Variants in TCAF1 observed in about 807,000 individuals in gnomAD.
TCAF1 encodes TRPM8 channel-associated factor 1.
In TCAF1, 4 loss-of-function variants were observed where a neutral mutation model predicts 27.3. That is an observed-to-expected ratio of 0.15 (90% confidence interval 0.07 to 0.34). The LOEUF (loss-of-function observed/expected upper bound fraction) is 0.34. Among genes scored for constraint, TCAF1 ranks in the 10% least tolerant of loss-of-function variants. The probability of loss-of-function intolerance (pLI) is 1.00; values close to 1 mark genes in which losing one functional copy is unlikely to be tolerated. For synonymous variants in TCAF1, 105 were observed against 167.1 expected (o/e 0.63, Z 2.87); for missense variants, 257 against 425.8 (o/e 0.60, Z 3.49).
At chr7:143,875,960 C>T in intron 2 of TCAF1, 29 bp downstream of exon 2, 1 of 1,515,328 alleles carries the variant, frequency 6.6e-7, no homozygotes, top group East Asian at 2.3e-5. Flanking sequence ...AACCCTGGAG[C>T]CAACTCCCCA....
intron 1 of TCAF1, among the ~76,000 whole-genome samples, chr7:143,900,547 G>A (rs1814070763): frequency 6.6e-6 from 1 of 152,106 alleles, no homozygotes; most frequent in Non-Finnish European, 1.5e-5. Flanking sequence ...TGAGATGACT[G>A]AGGCCCAGTC....
intron 1 of TCAF1, among the ~76,000 whole-genome samples, chr7:143,897,567 C>T (rs1381023216): frequency 6.6e-6 from 1 of 151,748 alleles, no homozygotes; most frequent in Non-Finnish European, 1.5e-5. Context: ...GTCAGTATCC[C>T]GACTGCTCCA....
chr7:143,883,716 G>C (rs1233754725), intron 1 of TCAF1, among the ~76,000 whole-genome samples: 1 of 152,012 alleles, frequency 6.6e-6, no homozygotes, highest in African/African-American at 2.4e-5. Context: ...TGTTGGCCAG[G>C]CTGATCTCAA....
intron 6 of TCAF1, among the ~76,000 whole-genome samples, chr7:143,859,999 A>G (rs189779771): frequency 0.027 from 266 of 9,860 alleles, 21 homozygotes; most frequent in South Asian, 0.074. Context: ...TATATATTAT[A>G]TAATATATAT....
chr7:143,890,405 T>C (rs1813588864), intron 1 of TCAF1, among the ~76,000 whole-genome samples: 1 of 152,210 alleles, frequency 6.6e-6, no homozygotes, highest in Non-Finnish European at 1.5e-5. Context: ...GTCTTGAACT[T>C]GAAGGGGCTT....
chr7:143,883,523 T>TTTG, intron 1 of TCAF1, among the ~76,000 whole-genome samples: 1 of 146,948 alleles, frequency 6.8e-6, no homozygotes. Context: ...TTTTTTTTTT[T>TTTG]GAGACGGAGT....
At chr7:143,857,504 C>T (rs1162587103) in intron 7 of TCAF1, among the ~76,000 whole-genome samples, 154 bp from the exon 8 acceptor site, 6 of 152,308 alleles carry the variant, frequency 3.9e-5, no homozygotes, top group Non-Finnish European at 8.8e-5. Flanking sequence ...CTCCTGGCCT[C>T]ATGCCCTGCT....
At chr7:143,892,318 A>G (rs546271973) in intron 1 of TCAF1, among the ~76,000 whole-genome samples, 1 of 152,130 alleles carries the variant, frequency 6.6e-6, no homozygotes, top group African/African-American at 2.4e-5. Flanking sequence ...GAATACATAG[A>G]AGTAATAATT....
rs1811341063 is a variant in TCAF1 at position 143,852,292 on chromosome 7, C to T, written c.*1841G>A. The T allele has an allele frequency of 6.5e-6, 1 of 152,704 alleles. No homozygotes were observed. The highest frequency in any genetic ancestry group is 1.5e-5 in the Non-Finnish European group (1 of 68,054). 9.5% of individuals were successfully genotyped at this position (152,704 alleles called of 1,614,324 possible). ...CTATGGCACTGAATGCACATTCTTC[C>T]CAGAAAGCCCGAGACAGTATGCTCT... On this transcript the variant is annotated 3_prime_UTR_variant, in exon 9 of 9. Coordinates refer to ENST00000479870, the MANE Select transcript of TCAF1 (RefSeq NM_014719.3).
intron 1 of TCAF1, among the ~76,000 whole-genome samples, chr7:143,884,415 T>G (rs1284388950): frequency 6.6e-6 from 1 of 152,094 alleles, no homozygotes; most frequent in African/African-American, 2.4e-5. Context: ...TTCTGCCAAG[T>G]CAAGGCCCAC....
chr7:143,875,702 C>T (rs556682187), intron 2 of TCAF1, among the ~76,000 whole-genome samples: 1 of 152,310 alleles, frequency 6.6e-6, no homozygotes, highest in East Asian at 1.9e-4. Flanking sequence ...ACTATGCCAA[C>T]TGTTGGGGCC....
chr7:143,888,875 A>G (rs1813529236), intron 1 of TCAF1, among the ~76,000 whole-genome samples: 2 of 152,342 alleles, frequency 1.3e-5, no homozygotes, highest in Non-Finnish European at 2.9e-5. Flanking sequence ...TTTAGATATC[A>G]GAATTACTAG....
chr7:143,881,992 T>G (rs1184465159), intron 1 of TCAF1: 2 of 150,040 alleles, frequency 1.3e-5, no homozygotes, highest in African/African-American at 4.9e-5. Context: ...TTCTATCAAA[T>G]GCACAGTGTG....
At chr7:143,877,689 A>T (rs1388136608) in intron 1 of TCAF1, among the ~76,000 whole-genome samples, 1 of 152,238 alleles carries the variant, frequency 6.6e-6, no homozygotes, top group Non-Finnish European at 1.5e-5. Flanking sequence ...CTCCAAGGAC[A>T]GATGTGTTTT....
chr7:143,900,942 T>TAC (rs1168202808), intron 1 of TCAF1, among the ~76,000 whole-genome samples: 3 of 152,188 alleles, frequency 2.0e-5, no homozygotes, highest in Non-Finnish European at 2.9e-5. Context: ...GTTTTAGGAA[T>TAC]ACACACACAA....
chr7:143,880,693 T>A (rs991877368), intron 1 of TCAF1, among the ~76,000 whole-genome samples: 1 of 152,196 alleles, frequency 6.6e-6, no homozygotes, highest in African/African-American at 2.4e-5. Context: ...AAGGTCTTCC[T>A]CCATCTCTGA....
At chr7:143,893,084 G>T (rs1439019617) in intron 1 of TCAF1, among the ~76,000 whole-genome samples, 2 of 152,082 alleles carry the variant, frequency 1.3e-5, no homozygotes, top group Non-Finnish European at 2.9e-5. Context: ...ATGGAAAAAG[G>T]TACACCAAGC....
At chr7:143,885,243 T>C (rs1813336043) in intron 1 of TCAF1, 19 of 985,312 alleles carry the variant, frequency 1.9e-5, no homozygotes, top group Non-Finnish European at 2.3e-5. Context: ...CCAGGCTACT[T>C]TGGAGTGGGG....
chr7:143,900,745 C>T (rs1198851931), intron 1 of TCAF1, among the ~76,000 whole-genome samples: 4 of 152,096 alleles, frequency 2.6e-5, no homozygotes, highest in East Asian at 1.9e-4. Context: ...ATAAATCATA[C>T]ACCTCCAAAA....
Sources: gnomAD v4.1 joint callset for allele counts (sites outside exome capture counted in the v4.1 genomes callset) on GRCh38, gnomAD v4.1.1 for gene constraint, MANE v1.5 for transcripts, NCBI Gene and HGNC (gene_info 2026-07-23, HGNC 2026-07-21) for gene names.